PDZD8: variants seen among roughly 807,000 people sequenced by gnomAD.
PDZD8 encodes the protein PDZ domain-containing protein 8.
A neutral mutation model predicts 85.8 loss-of-function variants in PDZD8; 14 were observed. The observed-to-expected ratio is 0.16, with a 90% CI of 0.11 to 0.26. PDZD8 has a LOEUF of 0.26. Ranked by LOEUF, PDZD8 falls within the 10% of genes least tolerant of loss-of-function variation. The pLI, the probability that PDZD8 is intolerant of heterozygous loss-of-function variation, is 1.00. For synonymous variants in PDZD8, 592 were observed against 568.6 expected (o/e 1.04, Z -0.59); for missense variants, 1,197 against 1,424.3 (o/e 0.84, Z 2.57).
At chr10:117,309,872 C>T (rs1304408241) in intron 3 of PDZD8, among the ~76,000 whole-genome samples, 1 of 152,076 alleles carries the variant, frequency 6.6e-6, no homozygotes, top group Non-Finnish European at 1.5e-5. Context: ...TTTGGGGACT[C>T]TTGACTAAGG....
chr10:117,286,201 T>G (rs1342376594), intron 4 of PDZD8, among the ~76,000 whole-genome samples: 1 of 152,226 alleles, frequency 6.6e-6, no homozygotes, highest in South Asian at 2.1e-4. Context: ...TATAAAAAGA[T>G]GTACAGTAAA....
chr10:117,298,080 T>G (rs1843785675), intron 3 of PDZD8, among the ~76,000 whole-genome samples: 1 of 152,088 alleles, frequency 6.6e-6, no homozygotes, highest in Non-Finnish European at 1.5e-5. Context: ...TCAACTTATG[T>G]CAATCAAATG....
At chr10:117,333,960 C>T (rs1403593806) in intron 2 of PDZD8, among the ~76,000 whole-genome samples, 2 of 152,090 alleles carry the variant, frequency 1.3e-5, no homozygotes, top group African/African-American at 2.4e-5. Context: ...CCAAAACCCC[C>T]CCATAAAAGG....
At position 117,285,129 on chromosome 10, in the gene PDZD8, C is replaced by T. The variant is rs1449440257; in HGVS notation, c.1604G>A (p.Gly535Glu). 3.1e-6 allele frequency: 5 copies of T among 1,613,988 alleles called. No individual in the cohort carries two copies. Among genetic ancestry groups the T allele is most frequent in the Non-Finnish European group, 4.2e-6 (5 of 1,179,924 alleles). ...ACGGTTTAAAACTGGTGATATAGCT[C>T]CAAGGGGTTTAATAGAAAGTGTTGT... The part of the protein sequence containing the change: ...VPTTLSIKPL[G>E]AISPVLNRKL... The change falls in exon 5 of 5, where the codon GGA becomes GAA. Residue 535 changes from glycine (G) to glutamate (E), a missense_variant. Around this residue, in one of 4 missense-constraint regions of PDZD8, gnomAD observed 263 missense variants for 261.9 expected, o/e 1.00. Coordinates refer to ENST00000334464, the MANE Select transcript of PDZD8 (RefSeq NM_173791.5).
At chr10:117,341,967 A>T (rs1445101662) in intron 1 of PDZD8, among the ~76,000 whole-genome samples, 2 of 152,218 alleles carry the variant, frequency 1.3e-5, no homozygotes, top group Non-Finnish European at 2.9e-5. Context: ...TTTAATGCTC[A>T]CAACCCTGAA....
At position 117,283,172 on chromosome 10, in the gene PDZD8, G is replaced by T; in HGVS notation, c.*96C>A. The T allele has an allele frequency of 1.6e-6, 2 of 1,254,004 alleles. No individual in the cohort carries two copies. The highest frequency in any genetic ancestry group is 1.5e-5 in the African/African-American group (1 of 66,810). The allele number at this position is 1,254,004 out of a possible 1,614,324, so 77.7% of individuals were successfully genotyped here. A position where few individuals can be genotyped will look rare whatever the true frequency, so the allele number is the denominator to read the frequency against. On this transcript the variant is annotated 3_prime_UTR_variant, in exon 5 of 5. Coordinates refer to ENST00000334464, the MANE Select transcript of PDZD8 (RefSeq NM_173791.5). ...CACAAGCAAGTAACTGGAGAAGCAG[G>T]CCAGAGTGCATACGAGGATTTAAAC...
In PDZD8 at chr10:117,375,391, C is replaced by G. The variant is rs1437778315; in HGVS notation, c.-164G>C. The stretch of plus-strand genomic sequence containing the variant: ...GCTCGGGCCGGCGCGCTGCGGCGCC[C>G]GAGCCCGCAGCGGCCCGCGCCTCCT... On this transcript the variant is annotated 5_prime_UTR_variant, in exon 1 of 5. Transcript: ENST00000334464. 2 of 373,436 alleles carry G rather than the reference C, an allele frequency of 5.4e-6. No homozygotes were observed. Among genetic ancestry groups the G allele is most frequent in the African/African-American group, 2.1e-5 (1 of 46,960 alleles). The allele number at this position is 373,436 out of a possible 1,614,324, so 23.1% of individuals were successfully genotyped here.
At position 117,310,687 on chromosome 10, in the gene PDZD8, A is replaced by C. The variant is rs117992491; in HGVS notation, c.1098+8185T>G. On this transcript the variant is annotated intron_variant, in intron 3 of 4. Coordinates refer to ENST00000334464, the MANE Select transcript of PDZD8 (RefSeq NM_173791.5). ...TAAAATTTCATTGAGTCCCTACTGTATTCACAAGTATTATCAAATTGAACT... is the reference window on the plus strand; with the variant it reads ...TAAAATTTCATTGAGTCCCTACTGTCTTCACAAGTATTATCAAATTGAACT... Among the ~76,000 whole-genome samples the C allele has an allele frequency of 4.5e-3, 686 of 152,330 alleles. 4 individuals are homozygous for C. Among genetic ancestry groups the C allele is most frequent in the Non-Finnish European group, 7.7e-3 (521 of 68,024 alleles).
chr10:117,326,888 A>G (rs1844326612), intron 2 of PDZD8, among the ~76,000 whole-genome samples: 1 of 152,186 alleles, frequency 6.6e-6, no homozygotes, highest in Non-Finnish European at 1.5e-5. Context: ...AAAATTAACA[A>G]AAGGCGACTT....
intron 4 of PDZD8, 76 bp downstream of exon 4, chr10:117,290,110 G>A: frequency 1.6e-6 from 2 of 1,288,294 alleles, no homozygotes; most frequent in Admixed American, 2.6e-5. Context: ...AAGGAAAAAG[G>A]AAGAAAGGAA....
intron 3 of PDZD8, among the ~76,000 whole-genome samples, chr10:117,317,641 G>A (rs74482521): frequency 0.017 from 2,642 of 152,164 alleles, 64 homozygotes; most frequent in African/African-American, 0.059. Flanking sequence ...CAAAGTAAAC[G>A]CAAAAATTTA....
chr10:117,338,283 C>T lies in PDZD8; in HGVS notation c.995+2697G>A, dbSNP rs140694440. Among the ~76,000 whole-genome samples, 29 of 152,250 alleles carry T rather than the reference C, an allele frequency of 1.9e-4. No individual in the cohort carries two copies. The East Asian group carries it at 5.4e-3, about 28-fold the overall frequency. On this transcript the variant is annotated intron_variant, in intron 2 of 4. Transcript: ENST00000334464. Reference sequence around the variant, plus strand: ...TTCTTAAACTATGTAAACAATAACACAGTACCACAACACTGAGTAACTTTT... The same window carrying T: ...TTCTTAAACTATGTAAACAATAACATAGTACCACAACACTGAGTAACTTTT...
At chr10:117,293,382 C>T (rs1042582481) in intron 3 of PDZD8, among the ~76,000 whole-genome samples, 1 of 151,952 alleles carries the variant, frequency 6.6e-6, no homozygotes, top group Admixed American at 6.6e-5. Flanking sequence ...TAAATAGAAA[C>T]CCTAAATATT....
At chr10:117,368,457 T>G (rs1845127860) in intron 1 of PDZD8, among the ~76,000 whole-genome samples, 1 of 152,216 alleles carries the variant, frequency 6.6e-6, no homozygotes, top group Non-Finnish European at 1.5e-5. Flanking sequence ...TCAAGGAATT[T>G]TAGTAGCTAT....
At chr10:117,294,770 A>G (rs1184379434) in intron 3 of PDZD8, among the ~76,000 whole-genome samples, 1 of 152,198 alleles carries the variant, frequency 6.6e-6, no homozygotes, top group Non-Finnish European at 1.5e-5. Context: ...AGAAGGACAA[A>G]TACTGTATGA....
At chr10:117,361,883 G>A (rs1845004457) in intron 1 of PDZD8, among the ~76,000 whole-genome samples, 1 of 152,140 alleles carries the variant, frequency 6.6e-6, no homozygotes, top group Admixed American at 6.5e-5. Context: ...GGCATTATAA[G>A]TAAACTAGAG....
At position 117,284,296 on chromosome 10, in the gene PDZD8, T is replaced by G. The variant is rs762387728; in HGVS notation, c.2437A>C (p.Lys813Gln). The G allele has an allele frequency of 6.2e-7, 1 of 1,613,942 alleles. No homozygotes were observed. Among genetic ancestry groups the G allele is most frequent in the South Asian group, 1.1e-5 (1 of 91,042 alleles). ...HHVVTNVEKEKEPHLVEEVSV... is the reference protein window; with the variant it reads ...HHVVTNVEKEQEPHLVEEVSV... ...ACTTCTTCAACCAAATGGGGTTCTT[T>G]TTCTTTTTCTACGTTAGTAACTACA... Residue 813 changes from lysine to glutamine, a missense_variant, in exon 5 of 5, where the codon AAA becomes CAA. Lys to Gln is a moderately conservative substitution (Grantham distance 53). Around this residue, in one of 4 missense-constraint regions of PDZD8, gnomAD observed 418 missense variants for 571.1 expected, o/e 0.73. Coordinates refer to ENST00000334464, the MANE Select transcript of PDZD8 (RefSeq NM_173791.5).
intron 1 of PDZD8, among the ~76,000 whole-genome samples, chr10:117,368,115 T>C (rs1157990541): frequency 6.6e-6 from 1 of 152,150 alleles, no homozygotes; most frequent in Non-Finnish European, 1.5e-5. Flanking sequence ...CATGAACTAG[T>C]TTATAACCAT....
chr10:117,345,787 C>A (rs1056100186), intron 1 of PDZD8, among the ~76,000 whole-genome samples: 36 of 152,166 alleles, frequency 2.4e-4, no homozygotes, highest in Non-Finnish European at 4.0e-4. Context: ...TTGTGGAGAC[C>A]AAAGTTCTTA....
Sources: gnomAD v4.1 joint callset for allele counts (sites outside exome capture counted in the v4.1 genomes callset) on GRCh38, gnomAD v4.1.1 for gene constraint, gnomAD v4.1.1 regional missense constraint, MANE v1.5 for transcripts, NCBI Gene and HGNC (gene_info 2026-07-23, HGNC 2026-07-21) for gene names.